Variants in OXNAD1 observed in about 807,000 individuals in gnomAD.
The protein encoded by OXNAD1 is oxidoreductase NAD-binding domain-containing protein 1.
OXNAD1 carries 34 observed loss-of-function variants against 32.9 expected under a neutral mutation model. That is an observed-to-expected ratio of 1.03 (90% CI 0.79 to 1.38). OXNAD1 has a LOEUF of 1.38. Ranked by LOEUF, OXNAD1 falls within the 40% of genes most tolerant of loss-of-function variation. The pLI is 0.00. For missense variants in OXNAD1, 407 were observed against 379.4 expected, an observed-to-expected ratio of 1.07 and a Z score of -0.60; for synonymous variants, 134 against 135.2, an observed-to-expected ratio of 0.99 and a Z score of 0.06.
At position 16,334,279 on chromosome 3, in the gene OXNAD1, G is replaced by A. The variant is rs530593840; in HGVS notation, c.*31-2833G>A. ...GGCAGCCCGCTTTGTTGCCAAGGCC[G>A]TGGGGAAGCATGCGTTCTTGTACAT... is the stretch of plus-strand genomic sequence containing the variant. On this transcript the variant is annotated intron_variant, in intron 9 of 9. Coordinates refer to the OXNAD1 transcript ENST00000435829. The surrounding 1 kb of genome is among the most constrained non-coding windows in gnomAD (Gnocchi z 4.3). Among the ~76,000 whole-genome samples the A allele has an allele frequency of 2.6e-5, 4 of 152,312 alleles. No homozygotes were observed. Among genetic ancestry groups the A allele is most frequent in the East Asian group, 3.9e-4 (2 of 5,182 alleles).
intron 4 of OXNAD1, among the ~76,000 whole-genome samples, chr3:16,273,768 A>G (rs938357154): frequency 6.6e-5 from 10 of 152,226 alleles, no homozygotes; most frequent in African/African-American, 1.9e-4. Context: ...AGGCATTAAC[A>G]TACTTAATTA....
downstream of OXNAD1, among the ~76,000 whole-genome samples, chr3:16,310,978 G>A (rs1196457300): frequency 2.5e-4 from 25 of 101,462 alleles, no homozygotes; most frequent in Admixed American, 1.1e-3. Flanking sequence ...CAACAAGAGC[G>A]AAACTCAGTC....
At chr3:16,285,222 A>G (rs1020505438) in intron 4 of OXNAD1, among the ~76,000 whole-genome samples, 5 of 152,186 alleles carry the variant, frequency 3.3e-5, no homozygotes, top group Admixed American at 6.5e-5. Flanking sequence ...TATCCAGTGG[A>G]TTTTTGAAAA....
intron 9 of OXNAD1, chr3:16,313,548 G>T (rs868829504): frequency 2.0e-5 from 3 of 152,172 alleles, no homozygotes; most frequent in Admixed American, 2.0e-4. Flanking sequence ...CTATCAGCAT[G>T]TGATTAACTG....
chr3:16,335,485 GTTATCC>G lies in OXNAD1; in HGVS notation c.*31-1623_*31-1618del, dbSNP rs1207347440. Among the ~76,000 whole-genome samples the G allele has an allele frequency of 1.3e-5, 2 of 152,320 alleles. No homozygotes were observed. The highest frequency in any genetic ancestry group is 2.1e-4 in the South Asian group (1 of 4,832). ...GGGGACATGGATGGAGCTGGAAGCT[GTTATCC>G]TTAGCAAACTAACGCAGGAACAGAA... On this transcript the variant is annotated intron_variant, in intron 9 of 9. Transcript: ENST00000435829. This position sits in a 1 kb window ranked among gnomAD's most constrained non-coding sequence, Gnocchi z 4.7.
At chr3:16,318,116 T>G (rs192252746) in intron 9 of OXNAD1, among the ~76,000 whole-genome samples, 62 of 152,076 alleles carry the variant, frequency 4.1e-4, no homozygotes, top group African/African-American at 1.4e-3. Flanking sequence ...AGTAATAGAG[T>G]TGGGCAACAA....
chr3:16,339,264 A>C (rs1455373233), downstream of OXNAD1: 1 of 152,242 alleles, frequency 6.6e-6, no homozygotes, highest in Non-Finnish European at 1.5e-5. Flanking sequence ...TCATGTTGCT[A>C]TGGCTACCAC....
In OXNAD1 at chr3:16,301,010, C is replaced by T. The variant is rs1022876172; in HGVS notation, c.433-616C>T. On this transcript the variant is annotated intron_variant, in intron 6 of 8. Transcript: ENST00000285083. This position sits in a 1 kb window ranked among gnomAD's most constrained non-coding sequence, Gnocchi z 4.1. ...TGACCTCACCAAATAGGTGCTTTAT[C>T]TAGATAGGTCTATGTGATACTCCCT... Among the ~76,000 whole-genome samples the T allele has an allele frequency of 6.6e-6, 1 of 152,166 alleles. No individual in the cohort carries two copies. The highest frequency in any genetic ancestry group is 1.9e-4 in the East Asian group (1 of 5,200).
chr3:16,300,517 A>G (rs878931528), intron 6 of OXNAD1, among the ~76,000 whole-genome samples: 2 of 152,218 alleles, frequency 1.3e-5, no homozygotes, highest in Admixed American at 1.3e-4. Flanking sequence ...TACTGAGTTT[A>G]TTTGTAAAAT....
At chr3:16,319,582 T>G (rs2068813085) in intron 9 of OXNAD1, among the ~76,000 whole-genome samples, 1 of 152,322 alleles carries the variant, frequency 6.6e-6, no homozygotes, top group Middle Eastern at 3.4e-3. Context: ...CCATCTAATA[T>G]GAGCCCAGAT....
At chr3:16,339,366 G>GC (rs1438012825), downstream of OXNAD1, 1 of 152,230 alleles carries the variant, frequency 6.6e-6, no homozygotes, top group African/African-American at 2.4e-5. Context: ...TGAGGACCCA[G>GC]CTCTGATAGG....
At position 16,312,805 on chromosome 3, in the gene OXNAD1, C is replaced by T. The variant is rs116394841; in HGVS notation, c.*30+9213C>T. On this transcript the variant is annotated intron_variant, in intron 9 of 9. Transcript: ENST00000435829. This position sits in a 1 kb window ranked among gnomAD's most constrained non-coding sequence, Gnocchi z 4.7. ...TGCTAATGTTTTTGGAAGCTGCTCCCATCAAGCATCAGCAACTCTAGTGAA... is the reference window on the plus strand; with the variant it reads ...TGCTAATGTTTTTGGAAGCTGCTCCTATCAAGCATCAGCAACTCTAGTGAA... Among the ~76,000 whole-genome samples, 1,834 of 152,312 alleles carry T rather than the reference C, an allele frequency of 0.012. 38 individuals carry two copies. Among genetic ancestry groups the T allele is most frequent in the African/African-American group, 0.042 (1,725 of 41,560 alleles).
rs1036929684 is a variant in OXNAD1, at chr3:16,277,069, C to T, written c.183+5347C>T. Among the ~76,000 whole-genome samples the T allele has an allele frequency of 2.0e-5, 3 of 151,952 alleles. No homozygotes were observed. Among genetic ancestry groups the T allele is most frequent in the Non-Finnish European group, 4.4e-5 (3 of 67,988 alleles). ...CCTCCCCAGTAGCTGGGATTACAGGCGCCTGCCACCATGCCCGGCTAACTT... is the reference window on the plus strand; with the variant it reads ...CCTCCCCAGTAGCTGGGATTACAGGTGCCTGCCACCATGCCCGGCTAACTT... On this transcript the variant is annotated intron_variant, in intron 4 of 8. Transcript: ENST00000285083. This position sits in a 1 kb window ranked among gnomAD's most constrained non-coding sequence, Gnocchi z 4.3.
At chr3:16,330,617 G>A (rs985823191) in intron 9 of OXNAD1, among the ~76,000 whole-genome samples, 4 of 152,204 alleles carry the variant, frequency 2.6e-5, no homozygotes, top group African/African-American at 9.6e-5. Context: ...TGGTGGATAC[G>A]TAATCTCCGA....
chr3:16,320,342 A>G lies in OXNAD1; in HGVS notation c.*30+16750A>G, dbSNP rs1438156207. On this transcript the variant is annotated intron_variant, in intron 9 of 9. Transcript: ENST00000435829. The surrounding 1 kb of genome is among the most constrained non-coding windows in gnomAD (Gnocchi z 4.5). The stretch of plus-strand genomic sequence containing the variant: ...ATGTTGCTGATTAAAAGAAGACTAA[A>G]TATGCCACATCCTCGGTGTGCCAAT... 6.6e-6 allele frequency among the ~76,000 whole-genome samples: 1 copy of G among 152,240 alleles called. No homozygotes were observed. The highest frequency in any genetic ancestry group is 1.5e-5 in the Non-Finnish European group (1 of 68,044).
Position 16,287,005 on chromosome 3 carries a change from A to T in OXNAD1, c.290+557A>T, listed in dbSNP as rs1654567300. 6.6e-6 allele frequency among the ~76,000 whole-genome samples: 1 copy of T among 152,172 alleles called. No homozygotes were observed. Among genetic ancestry groups the T allele is most frequent in the Non-Finnish European group, 1.5e-5 (1 of 68,030 alleles). On this transcript the variant is annotated intron_variant, in intron 5 of 8. Transcript: ENST00000285083. The surrounding 1 kb of genome is among the most constrained non-coding windows in gnomAD (Gnocchi z 4.8). ...GCCTAATTTGTTATCAGGATTCCCC[A>T]GTCAGGCCCAGCTCCCCAGAACCCC...
chr3:16,323,574 G>A (rs1195018281), intron 9 of OXNAD1: 2 of 689,912 alleles, frequency 2.9e-6, no homozygotes, highest in Non-Finnish European at 4.9e-6. Context: ...ATTATGACAG[G>A]TTAGAAGAGA....
At chr3:16,291,737 C>T (rs1266434587) in intron 5 of OXNAD1, among the ~76,000 whole-genome samples, 1 of 152,200 alleles carries the variant, frequency 6.6e-6, no homozygotes, top group African/African-American at 2.4e-5. Context: ...TACAGTTTCA[C>T]CTGTCTTAGG....
rs1406123915 is a variant in OXNAD1, at chr3:16,271,755, A to C, written c.183+33A>C. 6.3e-7 allele frequency: 1 copy of C among 1,579,724 alleles called. No homozygotes were observed. Among genetic ancestry groups the C allele is most frequent in the Non-Finnish European group, 8.6e-7 (1 of 1,159,756 alleles). On this transcript the variant is annotated intron_variant, in intron 4 of 8. Transcript: ENST00000285083. This position sits in a 1 kb window ranked among gnomAD's most constrained non-coding sequence, Gnocchi z 4.6. Reference sequence around the variant, plus strand: ...TCTTTGGGGTATGACAGGTTTTTCCAGCTAGACCGTTTACATGTGGTTATG... The same window carrying C: ...TCTTTGGGGTATGACAGGTTTTTCCCGCTAGACCGTTTACATGTGGTTATG...
Sources: allele counts gnomAD v4.1 joint callset (sites outside exome capture counted in the v4.1 genomes callset), GRCh38; gene constraint gnomAD v4.1.1; non-coding constraint Gnocchi (gnomAD v3.1); transcripts MANE v1.5; gene names NCBI Gene and HGNC (gene_info 2026-07-23, HGNC 2026-07-21).